Variants in XYLT1 observed in about 807,000 individuals in gnomAD.
The protein encoded by XYLT1 is beta-D-xylosyltransferase 1.
A neutral mutation model predicts 91.3 loss-of-function variants in XYLT1; 36 were observed. The ratio of observed to expected loss-of-function variants is 0.39; its 90% confidence interval spans 0.30 to 0.52. The LOEUF is 0.52. Among genes scored for constraint, XYLT1 ranks in the 20% least tolerant of loss-of-function variants. The pLI is 0.68. For missense variants in XYLT1, 1,242 were observed against 1,284.5 expected, an observed-to-expected ratio of 0.97 and a Z score of 0.51; for synonymous variants, 588 against 532.0, an observed-to-expected ratio of 1.11 and a Z score of -1.45.
intron 1 of XYLT1, among the ~76,000 whole-genome samples, chr16:17,370,198 A>C (rs1249998255): frequency 2.0e-5 from 3 of 152,132 alleles, no homozygotes; most frequent in African/African-American, 7.2e-5. Flanking sequence ...TCAATTCTAC[A>C]CCCAGAAAGC....
At chr16:17,246,259 G>T (rs186008437) in intron 3 of XYLT1, among the ~76,000 whole-genome samples, 5 of 152,188 alleles carry the variant, frequency 3.3e-5, no homozygotes, top group Non-Finnish European at 5.9e-5. Context: ...ATAGCCCTTG[G>T]CATTTAACAA....
At chr16:17,187,393 C>CAA (rs71137979) in intron 5 of XYLT1, among the ~76,000 whole-genome samples, 4,538 of 55,120 alleles carry the variant, frequency 0.082, 286 homozygotes, top group Non-Finnish European at 0.096. Context: ...GACTCAGTTT[C>CAA]AAAAAAAAAA....
rs1349358990 is a variant in XYLT1, at chr16:17,104,367, T to C, written c.*4328A>G. 1 of 152,268 alleles carries C rather than the reference T, an allele frequency of 6.6e-6. No individual in the cohort carries two copies. The highest frequency in any genetic ancestry group is 2.4e-5 in the African/African-American group (1 of 41,450). The allele number at this position is 152,268 out of a possible 1,614,324, so 9.4% of individuals were successfully genotyped here. ...AGCAGTCCAGATCTCCAGATTCTAT[T>C]CCTTCTTCCCTTCAGCACAATCTTG... On this transcript the variant is annotated 3_prime_UTR_variant, in exon 12 of 12. Transcript: ENST00000261381.
At position 17,104,027 on chromosome 16, in the gene XYLT1, T is replaced by G. The variant is rs75180968; in HGVS notation, c.*4668A>C. The G allele has an allele frequency of 0.015, 2,319 of 152,566 alleles. 25 individuals are homozygous for G. Among genetic ancestry groups the G allele is most frequent in the Middle Eastern group, 0.058 (17 of 294 alleles). The allele number at this position is 152,566 out of a possible 1,614,324, so 9.5% of individuals were successfully genotyped here. A position where few individuals can be genotyped will look rare whatever the true frequency, so the allele number is the denominator to read the frequency against. On this transcript the variant is annotated 3_prime_UTR_variant, in exon 12 of 12. Transcript: ENST00000261381. ...CTCAAGCAGATTTGGACAACTTTGT[T>G]CCCCCCTCCCAGGTAAACTTCTCAG...
At chr16:17,278,330 G>A (rs1351922574) in intron 2 of XYLT1, among the ~76,000 whole-genome samples, 3 of 152,116 alleles carry the variant, frequency 2.0e-5, no homozygotes, top group Non-Finnish European at 4.4e-5. Flanking sequence ...AGAGCAAGCC[G>A]GCAGCTGCAC....
rs991872919 is a variant in XYLT1 at position 17,105,953 on chromosome 16, G to GT, written c.*2741dup. 1 of 151,850 alleles carries GT rather than the reference G, an allele frequency of 6.6e-6. No individual in the cohort carries two copies. Among genetic ancestry groups the GT allele is most frequent in the African/African-American group, 2.4e-5 (1 of 41,310 alleles). 9.4% of individuals were successfully genotyped at this position (151,850 alleles called of 1,614,324 possible). A position where few individuals can be genotyped will look rare whatever the true frequency, so the allele number is the denominator to read the frequency against. ...AACAAAACACAAAAACACAACAAAT[G>GT]TAATATCTGCAACCTTATTCTCTGG... is the stretch of plus-strand genomic sequence containing the variant. On this transcript the variant is annotated 3_prime_UTR_variant, in exon 12 of 12. Coordinates refer to ENST00000261381, the MANE Select transcript of XYLT1 (RefSeq NM_022166.4).
chr16:17,407,103 G>A (rs1031696024), intron 1 of XYLT1, among the ~76,000 whole-genome samples: 7 of 152,134 alleles, frequency 4.6e-5, no homozygotes, highest in Non-Finnish European at 1.0e-4. Flanking sequence ...CGGAGTTCAA[G>A]CGATTCTCCT....
chr16:17,108,993 C>A lies in XYLT1; in HGVS notation c.2582G>T (p.Gly861Val), dbSNP rs746893762. Residue 861 changes from glycine (G) to valine (V), a missense_variant, in exon 12 of 12, where the codon GGG becomes GTG. Gly to Val is a moderately radical substitution (Grantham distance 109). Coordinates refer to ENST00000261381, the MANE Select transcript of XYLT1 (RefSeq NM_022166.4). ...CTCCATGTAGGCATTGCGGAGGGGC[C>A]CATTGTGCAGCTTCAGTGCCTCCTC... is the stretch of plus-strand genomic sequence containing the variant. ...KPEEALKLHN[G>V]PLRNAYMEQS... 1.3e-6 allele frequency: 2 copies of A among 1,535,494 alleles called. No homozygotes were observed. The highest frequency in any genetic ancestry group is 2.7e-5 in the African/African-American group (2 of 73,392).
intron 2 of XYLT1, among the ~76,000 whole-genome samples, chr16:17,343,076 C>T (rs780393086): frequency 5.9e-5 from 9 of 152,216 alleles, no homozygotes; most frequent in Admixed American, 3.3e-4. Flanking sequence ...AAACACCTCA[C>T]GGCCAACATG....
intron 2 of XYLT1, among the ~76,000 whole-genome samples, chr16:17,347,094 C>T (rs776657817): frequency 6.6e-6 from 1 of 152,314 alleles, no homozygotes; most frequent in Non-Finnish European, 1.5e-5. Flanking sequence ...CGCTGGCCCT[C>T]CCTGTTGGCT....
At chr16:17,161,741 C>A (rs1415954123) in intron 5 of XYLT1, among the ~76,000 whole-genome samples, 1 of 151,776 alleles carries the variant, frequency 6.6e-6, no homozygotes. Context: ...CTGGTGAAGT[C>A]ATTTGCCAAA....
chr16:17,308,235 A>G (rs932260088), intron 2 of XYLT1, among the ~76,000 whole-genome samples: 5 of 152,214 alleles, frequency 3.3e-5, no homozygotes, highest in Non-Finnish European at 5.9e-5. Context: ...CTGTTGGGTG[A>G]GAGACCAGGA....
intron 3 of XYLT1, among the ~76,000 whole-genome samples, chr16:17,209,854 G>A (rs1331493145): frequency 6.6e-6 from 1 of 152,216 alleles, no homozygotes; most frequent in Admixed American, 6.5e-5. Flanking sequence ...GTGTTTAACA[G>A]GGACCTGATC....
At chr16:17,318,790 C>CTTTTTTTTTTTTTTTT (rs58376375) in intron 2 of XYLT1, among the ~76,000 whole-genome samples, 1 of 142,642 alleles carries the variant, frequency 7.0e-6, no homozygotes. Flanking sequence ...TCTGCTTACT[C>CTTTTTTTTTTTTTTTT]TTTTTTTTTT....
chr16:17,422,149 A>T, intron 1 of XYLT1, among the ~76,000 whole-genome samples: 1 of 151,484 alleles, frequency 6.6e-6, no homozygotes, highest in Non-Finnish European at 1.5e-5. Context: ...CACCCGGCTA[A>T]TTTTTTGTAT....
chr16:17,201,419 A>C lies in XYLT1; in HGVS notation c.914-765T>G, dbSNP rs183577074. Among the ~76,000 whole-genome samples, 34 of 152,296 alleles carry C rather than the reference A, an allele frequency of 2.2e-4. No individual in the cohort carries two copies. The East Asian group carries it at 4.2e-3, about 19-fold the overall frequency. Reference sequence around the variant, plus strand: ...AACATATGACTCAACCAAGTTAATTAACCAATAAGACAGAATGCTAGACTT... The same window carrying C: ...AACATATGACTCAACCAAGTTAATTCACCAATAAGACAGAATGCTAGACTT... On this transcript the variant is annotated intron_variant, in intron 3 of 11. Transcript: ENST00000261381.
In XYLT1 at chr16:17,338,623, T is replaced by C. The variant is rs920827148; in HGVS notation, c.402+19389A>G. Reference sequence around the variant, plus strand: ...CCTGGTCATTCGTGGCCTGCTCACATTCACCCTTTTTTTTGGGACGGAGTC... The same window carrying C: ...CCTGGTCATTCGTGGCCTGCTCACACTCACCCTTTTTTTTGGGACGGAGTC... On this transcript the variant is annotated intron_variant, in intron 2 of 11. Coordinates refer to ENST00000261381, the MANE Select transcript of XYLT1 (RefSeq NM_022166.4). 7.7e-6 allele frequency: 3 copies of C among 390,952 alleles called. No homozygotes were observed. The East Asian group carries it at 2.2e-4, about 28-fold the overall frequency. 24.2% of individuals were successfully genotyped at this position (390,952 alleles called of 1,614,324 possible).
intron 3 of XYLT1, among the ~76,000 whole-genome samples, chr16:17,207,048 CTTTCTTTTTTTT>C (rs1393844293): frequency 7.8e-5 from 7 of 89,402 alleles, no homozygotes; most frequent in African/African-American, 5.2e-4. Flanking sequence ...GTTTTCTTTT[CTTTCTTTTTTTT>C]TTTTTTTTTT....
chr16:17,449,143 C>G (rs1424154545), intron 1 of XYLT1, among the ~76,000 whole-genome samples: 2 of 152,218 alleles, frequency 1.3e-5, no homozygotes, highest in Non-Finnish European at 2.9e-5. Context: ...ACCCACAGAG[C>G]ATGCCCTGGG....
Sources: gnomAD v4.1 joint callset for allele counts (sites outside exome capture counted in the v4.1 genomes callset) on GRCh38, gnomAD v4.1.1 for gene constraint, MANE v1.5 for transcripts, NCBI Gene and HGNC (gene_info 2026-07-23, HGNC 2026-07-21) for gene names.